The following RABGAP1L variants were observed in gnomAD, a reference collection of about 807,000 sequenced individuals.
RABGAP1L encodes the protein RAB GTPase activating protein 1 like.
In RABGAP1L, 63 loss-of-function variants were observed where a neutral mutation model predicts 137.7. The observed-to-expected ratio is 0.46, with a 90% confidence interval of 0.37 to 0.56. The LOEUF (loss-of-function observed/expected upper bound fraction) is 0.56. RABGAP1L is among the 20% of genes least tolerant of loss of function. The pLI, the probability that RABGAP1L is intolerant of heterozygous loss-of-function variation, is 0.00. For missense variants in RABGAP1L, 1,095 were observed against 1,244.0 expected, an observed-to-expected ratio of 0.88 and a Z score of 1.80; for synonymous variants, 431 against 433.7, an observed-to-expected ratio of 0.99 and a Z score of 0.08.
intron 19 of RABGAP1L, among the ~76,000 whole-genome samples, chr1:174,829,636 G>A (rs1263310961): frequency 6.7e-6 from 1 of 148,312 alleles, no homozygotes; most frequent in Non-Finnish European, 1.5e-5. Context: ...AAGAATTGAG[G>A]CTAAGATGTA....
At chr1:174,288,921 A>G (rs1266017104) in intron 10 of RABGAP1L, among the ~76,000 whole-genome samples, 1 of 151,862 alleles carries the variant, frequency 6.6e-6, no homozygotes, top group Non-Finnish European at 1.5e-5. Context: ...CTCTAACTGG[A>G]TAATTTTAAG....
chr1:174,618,534 A>G (rs1012638680), intron 13 of RABGAP1L, among the ~76,000 whole-genome samples: 2 of 152,214 alleles, frequency 1.3e-5, no homozygotes, highest in African/African-American at 4.8e-5. Flanking sequence ...GCAAACAGGG[A>G]CTGGAGTGGA....
At chr1:174,531,265 G>A (rs964656872) in intron 13 of RABGAP1L, among the ~76,000 whole-genome samples, 1 of 152,120 alleles carries the variant, frequency 6.6e-6, no homozygotes, top group Non-Finnish European at 1.5e-5. Context: ...TATAATACAG[G>A]AAGATAAATT....
intron 11 of RABGAP1L, among the ~76,000 whole-genome samples, chr1:174,350,234 G>A (rs1256218675): frequency 7.3e-6 from 1 of 136,644 alleles, no homozygotes; most frequent in Non-Finnish European, 1.6e-5. Flanking sequence ...GCCGGGCGGA[G>A]ACGCTCCTCA....
intron 11 of RABGAP1L, among the ~76,000 whole-genome samples, chr1:174,347,696 G>A (rs777078402): frequency 4.6e-5 from 7 of 152,062 alleles, no homozygotes; most frequent in South Asian, 2.1e-4. Flanking sequence ...CGGTTTCACC[G>A]TGTTAGCCAG....
At chr1:174,740,497 G>A (rs1438524538) in intron 17 of RABGAP1L, among the ~76,000 whole-genome samples, 1 of 152,062 alleles carries the variant, frequency 6.6e-6, no homozygotes, top group Non-Finnish European at 1.5e-5. Flanking sequence ...CTGTTTCCAG[G>A]CAAAATTACA....
chr1:174,746,651 T>G (rs1165704400), intron 17 of RABGAP1L, among the ~76,000 whole-genome samples: 1 of 152,264 alleles, frequency 6.6e-6, no homozygotes, highest in African/African-American at 2.4e-5. Context: ...GATTTATTCA[T>G]TCATTCACAT....
chr1:174,298,733 A>G (rs958667178), intron 10 of RABGAP1L, among the ~76,000 whole-genome samples: 3 of 152,196 alleles, frequency 2.0e-5, no homozygotes, highest in Non-Finnish European at 2.9e-5. Flanking sequence ...ATCTGGGTAC[A>G]TGGTGCCTGG....
chr1:174,167,287 T>A (rs1264967892), intron 1 of RABGAP1L, among the ~76,000 whole-genome samples: 1 of 152,196 alleles, frequency 6.6e-6, no homozygotes, highest in Non-Finnish European at 1.5e-5. Context: ...CTGCCACCAT[T>A]TTTTTTGTGT....
At chr1:174,639,554 C>A (rs552163690) in intron 14 of RABGAP1L, among the ~76,000 whole-genome samples, 1 of 151,756 alleles carries the variant, frequency 6.6e-6, no homozygotes, top group Non-Finnish European at 1.5e-5. Context: ...CATTTTTTTC[C>A]CCTAGCATAT....
At chr1:174,390,770 G>C in intron 12 of RABGAP1L, among the ~76,000 whole-genome samples, 1 of 152,062 alleles carries the variant, frequency 6.6e-6, no homozygotes, top group East Asian at 1.9e-4. Flanking sequence ...ATAATTCCTA[G>C]GTTTCCAGTT....
At chr1:174,741,100 AT>A (rs1188271149) in intron 17 of RABGAP1L, among the ~76,000 whole-genome samples, 1 of 129,764 alleles carries the variant, frequency 7.7e-6, no homozygotes, top group Non-Finnish European at 1.7e-5. Flanking sequence ...CCAATCACTT[AT>A]TTTTGGTTTT....
chr1:174,241,424 A>T (rs1571734230), intron 4 of RABGAP1L, 59 bp from the exon 5 acceptor site: 1 of 1,215,998 alleles, frequency 8.2e-7, no homozygotes, highest in East Asian at 2.5e-5. Context: ...CTAACTGGAA[A>T]TATGTCTTTG....
intron 6 of RABGAP1L, 155 bp from the exon 7 acceptor site, chr1:174,252,323 AAT>A: frequency 1.3e-6 from 1 of 760,060 alleles, no homozygotes; most frequent in Non-Finnish European, 2.0e-6. Flanking sequence ...AAATAAAATT[AAT>A]AGTTTGCTGC....
intron 11 of RABGAP1L, among the ~76,000 whole-genome samples, chr1:174,364,421 A>AT (rs1393492691): frequency 6.7e-6 from 1 of 148,694 alleles, no homozygotes; most frequent in East Asian, 2.0e-4. Context: ...CGCCCGGCTA[A>AT]TTTTTTGTAT....
At chr1:174,438,993 G>T (rs1244722953) in intron 13 of RABGAP1L, among the ~76,000 whole-genome samples, 1 of 150,936 alleles carries the variant, frequency 6.6e-6, no homozygotes, top group African/African-American at 2.4e-5. Context: ...GTGGGCTCTT[G>T]GGAAGACATT....
chr1:174,949,708 C>T (rs1236725374), intron 19 of RABGAP1L, among the ~76,000 whole-genome samples: 1 of 152,166 alleles, frequency 6.6e-6, no homozygotes, highest in East Asian at 1.9e-4. Context: ...ACACATAGTA[C>T]AGAAATTCCT....
In RABGAP1L at chr1:174,241,518, C is replaced by G; in HGVS notation, c.578C>G (p.Ser193Cys). The change falls in exon 5 of 26, where the codon TCT becomes TGT. Residue 193 changes from serine (S) to cysteine (C), a missense_variant. This residue lies in a region of RABGAP1L where 356 missense variants were observed against 326.3 expected (regional missense o/e 1.09). Transcript: ENST00000681986. ...CAATCCAGCAATGTGGAGATAGCAT[C>G]TTTTCCAATCTATAAGGTGTTATTC... The part of the protein sequence containing the change: ...IDQSSNVEIA[S>C]FPIYKVLFCA... The G allele has an allele frequency of 6.2e-7, 1 of 1,605,244 alleles. No individual in the cohort carries two copies. The highest frequency in any genetic ancestry group is 8.5e-7 in the Non-Finnish European group (1 of 1,176,044).
At chr1:174,882,854 G>A (rs2149093011) in intron 19 of RABGAP1L, among the ~76,000 whole-genome samples, 1 of 151,716 alleles carries the variant, frequency 6.6e-6, no homozygotes, top group African/African-American at 2.4e-5. Context: ...GAGACAGAGT[G>A]TGGCTCTGCC....
Sources: gnomAD v4.1 joint callset for allele counts (sites outside exome capture counted in the v4.1 genomes callset) on GRCh38, gnomAD v4.1.1 for gene constraint, gnomAD v4.1.1 regional missense constraint, MANE v1.5 for transcripts, NCBI Gene and HGNC (gene_info 2026-07-23, HGNC 2026-07-21) for gene names.